The following BICC1 variants were observed in gnomAD, a reference collection of about 807,000 sequenced individuals.
BICC1 encodes the protein BicC family RNA binding protein 1.
In BICC1, 43 loss-of-function variants were observed where a neutral mutation model predicts 111.0. The ratio of observed to expected loss-of-function variants is 0.39; its 90% confidence interval spans 0.30 to 0.50. The LOEUF (loss-of-function observed/expected upper bound fraction) is 0.50, where lower values mean the gene tolerates loss of function less well. BICC1 is among the 20% of genes least tolerant of loss of function. The pLI is 0.88. For missense variants in BICC1, 1,091 were observed against 1,203.2 expected, an observed-to-expected ratio of 0.91 and a Z score of 1.38; for synonymous variants, 467 against 434.4, an observed-to-expected ratio of 1.07 and a Z score of -0.93.
chr10:58,707,541 A>AT (rs1158487315), intron 3 of BICC1, among the ~76,000 whole-genome samples: 1 of 151,940 alleles, frequency 6.6e-6, no homozygotes, highest in African/African-American at 2.4e-5. Flanking sequence ...TTTATTTTAT[A>AT]TTTTTTGAGA....
At chr10:58,566,012 T>C (rs900400514) in intron 1 of BICC1, among the ~76,000 whole-genome samples, 1 of 152,186 alleles carries the variant, frequency 6.6e-6, no homozygotes, top group African/African-American at 2.4e-5. Flanking sequence ...ATCATTCTTA[T>C]GCCTTTGCAT....
At chr10:58,618,604 C>T (rs867205022) in intron 1 of BICC1, among the ~76,000 whole-genome samples, 2 of 152,314 alleles carry the variant, frequency 1.3e-5, no homozygotes, top group Non-Finnish European at 1.5e-5. Context: ...GTCATTCATC[C>T]ACCCCCTCCC....
chr10:58,767,557 A>G (rs1564602322), intron 3 of BICC1, among the ~76,000 whole-genome samples: 1 of 152,136 alleles, frequency 6.6e-6, no homozygotes, highest in African/African-American at 2.4e-5. Context: ...AAAGAACACA[A>G]TAATTTCTCA....
intron 2 of BICC1, among the ~76,000 whole-genome samples, chr10:58,682,215 G>A (rs1458692485): frequency 2.6e-5 from 4 of 152,072 alleles, no homozygotes; most frequent in African/African-American, 7.2e-5. Context: ...TTCTATGGCT[G>A]CATAGTATTC....
At chr10:58,664,939 G>C (rs950965030) in intron 2 of BICC1, among the ~76,000 whole-genome samples, 2 of 152,126 alleles carry the variant, frequency 1.3e-5, no homozygotes, top group African/African-American at 4.8e-5. Flanking sequence ...CTCCAGTGGT[G>C]GATGGATTGC....
At chr10:58,513,470 C>T in intron 1 of BICC1, 137 bp downstream of exon 1, 1 of 815,432 alleles carries the variant, frequency 1.2e-6, no homozygotes, top group Non-Finnish European at 1.8e-6. Flanking sequence ...CCCCGCGGAG[C>T]CGGAGGACAC....
At chr10:58,810,939 A>G (rs916533114) in intron 17 of BICC1, among the ~76,000 whole-genome samples, 1 of 152,166 alleles carries the variant, frequency 6.6e-6, no homozygotes. Context: ...CCAGGGACCA[A>G]ATGTTTCCTG....
intron 1 of BICC1, among the ~76,000 whole-genome samples, chr10:58,612,177 T>C (rs1020680964): frequency 6.6e-6 from 1 of 152,258 alleles, no homozygotes; most frequent in African/African-American, 2.4e-5. Context: ...ACTATGATTT[T>C]AATTCAGAAG....
chr10:58,558,555 A>T (rs951620929), intron 1 of BICC1, among the ~76,000 whole-genome samples: 15 of 151,760 alleles, frequency 9.9e-5, no homozygotes, highest in African/African-American at 3.6e-4. Context: ...TCCATTTTTG[A>T]GTTGTTTTCA....
chr10:58,543,799 A>G (rs1589081504), intron 1 of BICC1, among the ~76,000 whole-genome samples: 2 of 144,670 alleles, frequency 1.4e-5, no homozygotes, highest in Non-Finnish European at 3.0e-5. Flanking sequence ...GTGAACCACT[A>G]TGCCTGGCCT....
intron 5 of BICC1, 148 bp downstream of exon 5, chr10:58,787,229 G>GA (rs1843036187): frequency 1.5e-6 from 1 of 647,132 alleles, no homozygotes; most frequent in East Asian, 3.4e-5. Context: ...TTTCTGCAAG[G>GA]AAATTGAAGG....
intron 2 of BICC1, among the ~76,000 whole-genome samples, chr10:58,684,166 A>G (rs1405064094): frequency 6.6e-6 from 1 of 151,946 alleles, no homozygotes; most frequent in Admixed American, 6.6e-5. Context: ...TGTTTATATG[A>G]TGGATTATGT....
In BICC1 at chr10:58,807,006, A is replaced by C; in HGVS notation, c.2224A>C (p.Met742Leu). The C allele has an allele frequency of 6.2e-7, 1 of 1,611,712 alleles. No individual in the cohort carries two copies. ...EQKKLLATKA[M>L]LKKPVVTEVR... ...TTGGTTTTATTTTGTTTCCAAAGCT[A>C]TGTTAAAGAAACCAGTGGTGACGGA... Residue 742 changes from methionine to leucine, a missense_variant and splice_region_variant, in exon 17 of 21, where the codon ATG (methionine) becomes CTG (leucine). This residue lies in a region of BICC1 where 17 missense variants were observed against 46.2 expected (regional missense o/e 0.37). Coordinates refer to ENST00000373886, the MANE Select transcript of BICC1 (RefSeq NM_001080512.3).
chr10:58,787,851 C>A (rs928482123), intron 5 of BICC1, among the ~76,000 whole-genome samples: 1 of 152,056 alleles, frequency 6.6e-6, no homozygotes, highest in African/African-American at 2.4e-5. Flanking sequence ...AGCCCCTGTA[C>A]CCCCCACCAC....
At chr10:58,768,836 T>C (rs1372222981) in intron 3 of BICC1, among the ~76,000 whole-genome samples, 1 of 151,956 alleles carries the variant, frequency 6.6e-6, no homozygotes, top group East Asian at 1.9e-4. Flanking sequence ...CATACCACTA[T>C]TGAAAATCAT....
At chr10:58,598,892 A>G (rs951580692) in intron 1 of BICC1, among the ~76,000 whole-genome samples, 3 of 152,244 alleles carry the variant, frequency 2.0e-5, no homozygotes, top group Non-Finnish European at 4.4e-5. Flanking sequence ...GCCAACAGAC[A>G]TATGAAAAAA....
intron 3 of BICC1, among the ~76,000 whole-genome samples, chr10:58,744,428 A>AT (rs903448938): frequency 2.0e-5 from 3 of 150,092 alleles, no homozygotes; most frequent in South Asian, 2.1e-4. Flanking sequence ...AAAAGATATG[A>AT]TTTTTTTTAA....
chr10:58,743,804 G>T (rs1295462796), intron 3 of BICC1, among the ~76,000 whole-genome samples: 5 of 150,136 alleles, frequency 3.3e-5, no homozygotes, highest in East Asian at 1.9e-4. Flanking sequence ...AAGCAGATGG[G>T]TTATACATGT....
At chr10:58,644,712 C>T (rs909285143) in intron 2 of BICC1, among the ~76,000 whole-genome samples, 1 of 151,940 alleles carries the variant, frequency 6.6e-6, no homozygotes, top group South Asian at 2.1e-4. Flanking sequence ...ATTTGGCCAA[C>T]GTTGTCAGGA....
Sources: gnomAD v4.1 joint callset for allele counts (sites outside exome capture counted in the v4.1 genomes callset) on GRCh38, gnomAD v4.1.1 for gene constraint, gnomAD v4.1.1 regional missense constraint, MANE v1.5 for transcripts, NCBI Gene and HGNC (gene_info 2026-07-23, HGNC 2026-07-21) for gene names.